The following SUN1 variants were observed in gnomAD, a reference collection of about 807,000 sequenced individuals.
SUN1 encodes Sad1 and UNC84 domain containing 1, also known as SUN domain-containing protein 1.
In SUN1, 61 loss-of-function variants were observed where a neutral mutation model predicts 103.2. The observed-to-expected ratio is 0.59, with a 90% CI of 0.48 to 0.73. SUN1 has a LOEUF of 0.73. Ranked by LOEUF, SUN1 falls within the 30% of genes least tolerant of loss-of-function variation. SUN1 has a pLI of 0.00. For synonymous variants in SUN1, 490 were observed against 425.7 expected, an observed-to-expected ratio of 1.15 and a Z score of -1.86; for missense variants, 1,052 against 1,034.6, an observed-to-expected ratio of 1.02 and a Z score of -0.23.
chr7:849,529 G>C (rs1384193548), intron 5 of SUN1: 3 of 1,379,098 alleles, frequency 2.2e-6, no homozygotes, highest in Non-Finnish European at 2.9e-6. Flanking sequence ...GCTCATGCCA[G>C]TTACTATGGG....
chr7:861,633 G>A lies in SUN1; in HGVS notation c.1864+169G>A, dbSNP rs145275261. Among the ~76,000 whole-genome samples, 436 of 152,326 alleles carry A rather than the reference G, an allele frequency of 2.9e-3. 3 individuals are homozygous for A. Among genetic ancestry groups the A allele is most frequent in the African/African-American group, 9.9e-3 (413 of 41,576 alleles). ...CATGACCCTGGTGTTCTTTCTTCCT[G>A]GCCAGTTGTGTTTGGGGGGCACAAG... On this transcript the variant is annotated intron_variant, in intron 15 of 18. Transcript: ENST00000401592.
chr7:829,466 CGGT>C (rs1795877644), upstream of SUN1, among the ~76,000 whole-genome samples: 1 of 151,760 alleles, frequency 6.6e-6, no homozygotes. Context: ...TAGGGCTCAT[CGGT>C]GGACCTTTGC....
At chr7:869,143 T>G in intron 16 of SUN1, 1 of 625,834 alleles carries the variant, frequency 1.6e-6, no homozygotes, top group East Asian at 2.8e-5. Context: ...GTTTTAACTT[T>G]TATACAACAT....
chr7:817,601 A>G (rs1782004481), intron 1 of SUN1: 2 of 1,390,262 alleles, frequency 1.4e-6, no homozygotes, highest in Non-Finnish European at 2.0e-6. Flanking sequence ...TGTGTCTTCT[A>G]AGCTTCAGTC....
rs184725267 is a variant in SUN1 at position 866,771 on chromosome 7, G to A, written c.1980+704G>A. On this transcript the variant is annotated intron_variant, in intron 16 of 18. Coordinates refer to ENST00000401592, the MANE Select transcript of SUN1 (RefSeq NM_001130965.3). ...ACCCCCACCGTCTCCCTGGGCCTTC[G>A]CCCACCCCTCCCCGCCCCCTTCTCC... 3.8e-5 allele frequency among the ~76,000 whole-genome samples: 3 copies of A among 79,798 alleles called. No individual in the cohort carries two copies. The East Asian group carries it at 1.1e-3, about 28-fold the overall frequency. The allele number at this position is 79,798 out of a possible 152,430, so 52.4% of individuals were successfully genotyped here.
At chr7:848,234 G>A (rs1818427016) in intron 5 of SUN1, among the ~76,000 whole-genome samples, 2 of 152,182 alleles carry the variant, frequency 1.3e-5, no homozygotes, top group African/African-American at 2.4e-5. Context: ...GGTACCCTGG[G>A]GGTTGCTCCG....
At chr7:870,564 C>T (rs968915000) in intron 17 of SUN1, among the ~76,000 whole-genome samples, 4 of 152,004 alleles carry the variant, frequency 2.6e-5, no homozygotes, top group East Asian at 3.9e-4. Context: ...CCAGCCTGGG[C>T]AACAGAGCAA....
chr7:864,365 T>C (rs1834585615), intron 15 of SUN1, among the ~76,000 whole-genome samples: 1 of 151,682 alleles, frequency 6.6e-6, no homozygotes, highest in African/African-American at 2.4e-5. Flanking sequence ...CTGACCAACA[T>C]AGAGAAACCC....
chr7:861,337 T>A (rs1832072607), intron 14 of SUN1, 43 bp from the exon 15 acceptor site: 1 of 1,607,064 alleles, frequency 6.2e-7, no homozygotes, highest in East Asian at 2.2e-5. Context: ...GTCTCTCCTC[T>A]CCTGTTCTGG....
intron 1 of SUN1, among the ~76,000 whole-genome samples, chr7:817,676 G>A (rs1384025830): frequency 3.3e-5 from 5 of 152,218 alleles, no homozygotes; most frequent in African/African-American, 1.2e-4. Flanking sequence ...GCTTTTGTGT[G>A]TAATCTGTTT....
At chr7:834,424 G>A (rs961920522) in intron 1 of SUN1, among the ~76,000 whole-genome samples, 7 of 152,214 alleles carry the variant, frequency 4.6e-5, no homozygotes, top group Non-Finnish European at 4.4e-5. Flanking sequence ...GTGGAGGCCC[G>A]TGGAGCACAG....
At chr7:846,789 A>T (rs1333692225) in intron 5 of SUN1, among the ~76,000 whole-genome samples, 1 of 151,832 alleles carries the variant, frequency 6.6e-6, no homozygotes, top group Non-Finnish European at 1.5e-5. Context: ...AGGTGGGAGG[A>T]TCGCTTGAGC....
At chr7:866,717 C>CACTGT (rs1441447891) in intron 16 of SUN1, among the ~76,000 whole-genome samples, 9 of 83,132 alleles carry the variant, frequency 1.1e-4, no homozygotes, top group Admixed American at 1.9e-4. Context: ...CCTTCGCCCC[C>CACTGT]CCCCCGCCCC....
upstream of SUN1, among the ~76,000 whole-genome samples, chr7:829,471 G>T (rs1475178838): frequency 2.0e-5 from 3 of 152,122 alleles, no homozygotes. Context: ...CTCATCGGTG[G>T]ACCTTTGCCT....
intron 2 of SUN1, among the ~76,000 whole-genome samples, chr7:839,866 T>C (rs1463116227): frequency 6.6e-6 from 1 of 152,234 alleles, no homozygotes; most frequent in Non-Finnish European, 1.5e-5. Flanking sequence ...GTTCATTCTT[T>C]AGGTCTTTAT....
At chr7:819,281 C>G (rs1043508663) in intron 1 of SUN1, among the ~76,000 whole-genome samples, 3 of 150,426 alleles carry the variant, frequency 2.0e-5, no homozygotes, top group Non-Finnish European at 4.4e-5. Flanking sequence ...TTCTCCCAGT[C>G]TTTGGATTGT....
At chr7:818,357 CTG>C (rs1209138672) in intron 1 of SUN1, among the ~76,000 whole-genome samples, 1 of 152,204 alleles carries the variant, frequency 6.6e-6, no homozygotes, top group Non-Finnish European at 1.5e-5. Context: ...ATGTTGTAGA[CTG>C]TATCAGTATT....
intron 1 of SUN1, chr7:817,638 G>T (rs1782043856): frequency 3.0e-6 from 3 of 1,011,826 alleles, no homozygotes; most frequent in Non-Finnish European, 4.2e-6. Context: ...AGTGCTTGCG[G>T]CTCTAATTGC....
At chr7:825,510 G>A (rs934540404) in intron 1 of SUN1, among the ~76,000 whole-genome samples, 3 of 152,180 alleles carry the variant, frequency 2.0e-5, no homozygotes, top group African/African-American at 4.8e-5. Context: ...TACTAAAAGC[G>A]TGTTCACTTG....
Sources: gnomAD v4.1 joint callset for allele counts (sites outside exome capture counted in the v4.1 genomes callset) on GRCh38, gnomAD v4.1.1 for gene constraint, MANE v1.5 for transcripts, NCBI Gene and HGNC (gene_info 2026-07-23, HGNC 2026-07-21) for gene names.